The following FREM3 variants were observed in gnomAD, a reference collection of about 807,000 sequenced individuals.
FREM3 encodes FRAS1 related extracellular matrix 3.
A neutral mutation model predicts 129.1 loss-of-function variants in FREM3; 105 were observed. That is an observed-to-expected ratio of 0.81 (90% CI 0.69 to 0.96). The LOEUF is 0.96. Among genes scored for constraint, FREM3 ranks in the 40% least tolerant of loss-of-function variants. The probability of loss-of-function intolerance (pLI) is 0.00; values close to 1 mark genes in which losing one functional copy is unlikely to be tolerated. For synonymous variants in FREM3, 1,014 were observed against 1,044.9 expected (o/e 0.97, Z 0.57); for missense variants, 2,593 against 2,666.3 (o/e 0.97, Z 0.61).
At chr4:143,627,869 G>A (rs531794412) in intron 2 of FREM3, 109 bp from the exon 3 acceptor site, 126 of 698,890 alleles carry the variant, frequency 1.8e-4, no homozygotes, top group African/African-American at 2.6e-4. Flanking sequence ...AAACATACTC[G>A]TTTTATTTTA....
chr4:143,652,742 G>A (rs1421464656), intron 2 of FREM3, among the ~76,000 whole-genome samples: 1 of 152,118 alleles, frequency 6.6e-6, no homozygotes, highest in East Asian at 1.9e-4. Flanking sequence ...CCATTCTCCT[G>A]CCTCAGCCTC....
intron 6 of FREM3, among the ~76,000 whole-genome samples, chr4:143,589,991 G>C (rs911237888): frequency 9.2e-5 from 14 of 151,966 alleles, no homozygotes; most frequent in Admixed American, 3.9e-4. Flanking sequence ...GTATTTTATT[G>C]TCTTTGAAGC....
intron 1 of FREM3, among the ~76,000 whole-genome samples, chr4:143,695,264 C>A (rs1257488020): frequency 6.6e-6 from 1 of 152,182 alleles, no homozygotes; most frequent in Non-Finnish European, 1.5e-5. Flanking sequence ...ATAACTACAA[C>A]TTTATGAAAT....
rs1336941731 is a variant in FREM3, at chr4:143,699,900, G to A, written c.776C>T (p.Ser259Leu). ...CATGGGCACGTAGTCACGGTTGGGC[G>A]AGGAGGTGGCTGTGTGCTGATAGCG... ...GVRYQHTATS[S>L]PNRDYVPMMV... Residue 259 changes from serine to leucine, a missense_variant, in exon 1 of 8, where the codon TCG becomes TTG. By Grantham distance (145) the Ser-to-Leu change is moderately radical. This residue lies in a region of FREM3 where 2,276 missense variants were observed against 2,267.2 expected (regional missense o/e 1.00). Coordinates refer to ENST00000329798, the MANE Select transcript of FREM3 (RefSeq NM_001168235.2). The surrounding 1 kb of genome is among the most constrained non-coding windows in gnomAD (Gnocchi z 4.2). 3.3e-6 allele frequency: 5 copies of A among 1,536,566 alleles called. No individual in the cohort carries two copies. Among genetic ancestry groups the A allele is most frequent in the Non-Finnish European group, 4.4e-6 (5 of 1,146,774 alleles).
chr4:143,620,096 G>C (rs1025072943), intron 5 of FREM3, among the ~76,000 whole-genome samples: 1 of 152,092 alleles, frequency 6.6e-6, no homozygotes, highest in Non-Finnish European at 1.5e-5. Flanking sequence ...CAATCAAATG[G>C]TCAAGACTTA....
intron 2 of FREM3, among the ~76,000 whole-genome samples, chr4:143,673,206 T>TC (rs1371492112): frequency 6.6e-5 from 10 of 152,240 alleles, no homozygotes; most frequent in Admixed American, 5.2e-4. Flanking sequence ...TTCTGTTTTT[T>TC]CCCCATCTTT....
intron 5 of FREM3, among the ~76,000 whole-genome samples, chr4:143,619,251 C>T (rs549343140): frequency 3.1e-4 from 47 of 152,258 alleles, no homozygotes; most frequent in African/African-American, 1.1e-3. Context: ...CACAGAAACC[C>T]CAATTACCTC....
intron 6 of FREM3, among the ~76,000 whole-genome samples, chr4:143,608,958 C>G (rs1738710673): frequency 6.6e-6 from 1 of 152,152 alleles, no homozygotes; most frequent in East Asian, 1.9e-4. Flanking sequence ...TGGAAAAACT[C>G]AGCCTACAGG....
At chr4:143,686,780 G>T (rs959729580) in intron 2 of FREM3, among the ~76,000 whole-genome samples, 1 of 152,072 alleles carries the variant, frequency 6.6e-6, no homozygotes, top group African/African-American at 2.4e-5. Flanking sequence ...CGAACCGAAC[G>T]ACAATAATAA....
chr4:143,686,294 G>T (rs1354659842), intron 2 of FREM3, among the ~76,000 whole-genome samples: 1 of 152,124 alleles, frequency 6.6e-6, no homozygotes, highest in East Asian at 1.9e-4. Context: ...TAACATATAT[G>T]CACCTAACAC....
At chr4:143,663,980 A>G (rs1205157722) in intron 2 of FREM3, among the ~76,000 whole-genome samples, 1 of 152,102 alleles carries the variant, frequency 6.6e-6, no homozygotes, top group Non-Finnish European at 1.5e-5. Flanking sequence ...CTAGTCATAC[A>G]TTCATCTAAA....
intron 2 of FREM3, among the ~76,000 whole-genome samples, chr4:143,637,679 C>A (rs902006742): frequency 6.6e-6 from 1 of 152,080 alleles, no homozygotes; most frequent in African/African-American, 2.4e-5. Flanking sequence ...TCTTGAGGAA[C>A]AATAGGCTAT....
At chr4:143,659,690 T>G (rs552420833) in intron 2 of FREM3, among the ~76,000 whole-genome samples, 1 of 147,278 alleles carries the variant, frequency 6.8e-6, no homozygotes, top group Non-Finnish European at 1.5e-5. Context: ...TAGTTTACAG[T>G]CCCACCAACA....
rs1235643615 is a variant in FREM3, at chr4:143,699,357, C to G, written c.1319G>C (p.Gly440Ala). The G allele has an allele frequency of 2.0e-6, 3 of 1,537,226 alleles. No homozygotes were observed. The highest frequency in any genetic ancestry group is 2.6e-6 in the Non-Finnish European group (3 of 1,146,934). Residue 440 changes from glycine to alanine, a missense_variant, in exon 1 of 8, where the codon GGA (glycine) becomes GCA (alanine). Gly to Ala is a moderately conservative substitution (Grantham distance 60, BLOSUM62 0). This residue lies in a region of FREM3 where 2,276 missense variants were observed against 2,267.2 expected (regional missense o/e 1.00). Coordinates refer to ENST00000329798, the MANE Select transcript of FREM3 (RefSeq NM_001168235.2). The surrounding 1 kb of genome is among the most constrained non-coding windows in gnomAD (Gnocchi z 4.2). ...TLVPVASHNRGLVLFEGQSRP... is the reference protein window; with the variant it reads ...TLVPVASHNRALVLFEGQSRP... ...TGACTGACCTTCAAAAAGCACAAGT[C>G]CCCTGTTATGGCTAGCCACTGGGAC... is the stretch of plus-strand genomic sequence containing the variant.
At chr4:143,625,984 C>T (rs553652768) in intron 3 of FREM3, among the ~76,000 whole-genome samples, 1 of 152,082 alleles carries the variant, frequency 6.6e-6, no homozygotes, top group Non-Finnish European at 1.5e-5. Flanking sequence ...TTGAAAGTCA[C>T]AAAAAAGAGT....
chr4:143,696,648 C>T lies in FREM3; in HGVS notation c.4028G>A (p.Ser1343Asn). 1 of 1,537,846 alleles carries T rather than the reference C, an allele frequency of 6.5e-7. No individual in the cohort carries two copies. Among genetic ancestry groups the T allele is most frequent in the South Asian group, 1.2e-5 (1 of 84,056 alleles). Residue 1343 changes from serine (S) to asparagine (N), a missense_variant, in exon 1 of 8, where the codon AGT (serine) becomes AAT (asparagine). Physicochemically the swap from Ser to Asn is conservative, Grantham distance 46. Transcript: ENST00000329798. ...TDLDSDDKSL[S>N]FVLHSGPQQG... ...TTGAGGCCCAGAATGGAGGACAAAA[C>T]TGAGGCTTTTATCATCTGAGTCAAG...
At chr4:143,603,066 G>A (rs1339060528) in intron 6 of FREM3, among the ~76,000 whole-genome samples, 1 of 152,062 alleles carries the variant, frequency 6.6e-6, no homozygotes, top group Non-Finnish European at 1.5e-5. Flanking sequence ...TTAACCAGAG[G>A]ACTCTGATTT....
At chr4:143,601,838 G>T (rs1402992831) in intron 6 of FREM3, 1 of 152,166 alleles carries the variant, frequency 6.6e-6, no homozygotes, top group East Asian at 1.9e-4. Context: ...CTCCATGATA[G>T]TTGTCCTTAT....
intron 5 of FREM3, among the ~76,000 whole-genome samples, chr4:143,618,754 T>C (rs1485191709): frequency 6.6e-6 from 1 of 151,974 alleles, no homozygotes; most frequent in African/African-American, 2.4e-5. Flanking sequence ...AAATTATCCA[T>C]GCATACAGGT....
Sources: gnomAD v4.1 joint callset for allele counts (sites outside exome capture counted in the v4.1 genomes callset) on GRCh38, gnomAD v4.1.1 for gene constraint, gnomAD v4.1.1 regional missense constraint, Gnocchi (gnomAD v3.1) non-coding constraint, MANE v1.5 for transcripts, NCBI Gene and HGNC (gene_info 2026-07-23, HGNC 2026-07-21) for gene names.